SLC4A10: variants seen among roughly 807,000 people sequenced by gnomAD.
SLC4A10 encodes the protein sodium-driven chloride bicarbonate exchanger.
A neutral mutation model predicts 137.7 loss-of-function variants in SLC4A10; 42 were observed. The observed-to-expected ratio is 0.30, with a 90% confidence interval of 0.24 to 0.39. SLC4A10 has a LOEUF of 0.39. Among genes scored for constraint, SLC4A10 ranks in the 10% least tolerant of loss-of-function variants. SLC4A10 has a pLI of 1.00. For synonymous variants in SLC4A10, 474 were observed against 464.1 expected (o/e 1.02, Z -0.27); for missense variants, 925 against 1,355.0 (o/e 0.68, Z 4.98).
At chr2:161,707,988 A>G (rs1281527245) in intron 1 of SLC4A10, among the ~76,000 whole-genome samples, 1 of 151,302 alleles carries the variant, frequency 6.6e-6, no homozygotes, top group Non-Finnish European at 1.5e-5. Context: ...GATTCCTTCA[A>G]GAGAGTACAA....
At chr2:161,944,021 C>T (rs914722675) in intron 16 of SLC4A10, among the ~76,000 whole-genome samples, 7 of 151,878 alleles carry the variant, frequency 4.6e-5, no homozygotes, top group African/African-American at 1.7e-4. Flanking sequence ...TCTATTCTTA[C>T]CCTAGCTGTG....
rs760278871 is a variant in SLC4A10 at position 161,771,041 on chromosome 2, A to G, written c.117A>G (p.Lys39=). The G allele has an allele frequency of 9.4e-6, 15 of 1,598,552 alleles. No homozygotes were observed. Among genetic ancestry groups the G allele is most frequent in the Non-Finnish European group, 1.3e-5 (15 of 1,171,130 alleles). The part of the protein sequence containing the change: ...TRSILKTHFE[K]EDLEGHRTLF... Reference sequence around the variant, plus strand: ...CTATTCTCAAAACACACTTTGAGAAAGAAGATTTAGAAGGTAAGACCATTT... The same window carrying G: ...CTATTCTCAAAACACACTTTGAGAAGGAAGATTTAGAAGGTAAGACCATTT... Residue 39 remains lysine (K), a synonymous_variant, in exon 2 of 27, where the codon AAA becomes AAG. Coordinates refer to ENST00000446997, the MANE Select transcript of SLC4A10 (RefSeq NM_001178015.2).
Position 161,947,676 on chromosome 2 carries a change from T to A in SLC4A10, c.2214T>A (p.Thr738=), listed in dbSNP as rs181952371. The A allele has an allele frequency of 4.4e-4, 713 of 1,613,330 alleles. No individual in the cohort carries two copies. Among genetic ancestry groups the A allele is most frequent in the Non-Finnish European group, 5.2e-4 (619 of 1,179,388 alleles). The part of the protein sequence containing the change: ...WSVILFFSTV[T]LSATLKQFKT... ...TGATCCTGTTCTTTTCCACAGTTACTCTGTCAGCCACCCTGAAGCAGTTCA... is the reference window on the plus strand; with the variant it reads ...TGATCCTGTTCTTTTCCACAGTTACACTGTCAGCCACCCTGAAGCAGTTCA... The change falls in exon 17 of 27, where the codon ACT becomes ACA. Residue 738 remains threonine (T), a synonymous_variant. Coordinates refer to ENST00000446997, the MANE Select transcript of SLC4A10 (RefSeq NM_001178015.2).
At chr2:161,978,694 T>TTC (rs201545687) in intron 26 of SLC4A10, among the ~76,000 whole-genome samples, 40 of 151,356 alleles carry the variant, frequency 2.6e-4, no homozygotes, top group Middle Eastern at 3.4e-3. Context: ...TGGGAATTAG[T>TTC]TCTCTCTCTC....
At chr2:161,844,188 G>A (rs188795621) in intron 4 of SLC4A10, among the ~76,000 whole-genome samples, 14 of 152,208 alleles carry the variant, frequency 9.2e-5, no homozygotes, top group East Asian at 7.7e-4. Context: ...AGGGGGTAGC[G>A]TTAGGCTTCT....
At chr2:161,830,552 A>T (rs10197635) in intron 3 of SLC4A10, among the ~76,000 whole-genome samples, 3,058 of 151,656 alleles carry the variant, frequency 0.02, 104 homozygotes, top group African/African-American at 0.07. Flanking sequence ...TTCTGTTTTT[A>T]AAAAAAACCC....
intron 2 of SLC4A10, among the ~76,000 whole-genome samples, chr2:161,798,744 CTT>C (rs2055051691): frequency 6.6e-6 from 1 of 151,082 alleles, no homozygotes; most frequent in Admixed American, 6.6e-5. Flanking sequence ...TTTTCTGTGA[CTT>C]TTCCTTATCA....
At chr2:161,828,948 TTAGA>T (rs1243450876) in intron 3 of SLC4A10, among the ~76,000 whole-genome samples, 8 of 150,140 alleles carry the variant, frequency 5.3e-5, no homozygotes, top group African/African-American at 1.7e-4. Context: ...AATAATTCTA[TTAGA>T]ATTATTCTAT....
chr2:161,778,347 T>G (rs554592495), intron 2 of SLC4A10, among the ~76,000 whole-genome samples: 2 of 152,108 alleles, frequency 1.3e-5, no homozygotes, highest in African/African-American at 2.4e-5. Flanking sequence ...TTATGAAAGT[T>G]TATGCCTTTT....
At chr2:161,723,605 C>T (rs2045923061) in intron 1 of SLC4A10, among the ~76,000 whole-genome samples, 1 of 152,122 alleles carries the variant, frequency 6.6e-6, no homozygotes, top group Non-Finnish European at 1.5e-5. Flanking sequence ...GGTGTGCAGC[C>T]TACTGTTTGC....
chr2:161,923,036 T>C (rs1688423460), intron 15 of SLC4A10, among the ~76,000 whole-genome samples: 1 of 152,182 alleles, frequency 6.6e-6, no homozygotes, highest in South Asian at 2.1e-4. Context: ...TGAAGGGAGT[T>C]CTACCAAATT....
At chr2:161,957,297 A>G (rs10221808) in intron 20 of SLC4A10, 57 bp downstream of exon 20, 469,618 of 1,536,082 alleles carry the variant, frequency 0.31, 76,576 homozygotes, top group East Asian at 0.68. Context: ...CATCATTTAA[A>G]ATTTTCATTT....
At chr2:161,887,031 A>T (rs1218500793) in intron 10 of SLC4A10, among the ~76,000 whole-genome samples, 1 of 152,018 alleles carries the variant, frequency 6.6e-6, no homozygotes, top group Non-Finnish European at 1.5e-5. Context: ...TATAAGTGAG[A>T]ACATGCAGTG....
At chr2:161,806,935 T>G (rs1195277343) in intron 3 of SLC4A10, among the ~76,000 whole-genome samples, 1 of 152,198 alleles carries the variant, frequency 6.6e-6, no homozygotes, top group African/African-American at 2.4e-5. Context: ...GATAAAAACA[T>G]ACCTGAGACT....
At chr2:161,807,113 T>G (rs1049743508) in intron 3 of SLC4A10, among the ~76,000 whole-genome samples, 2 of 152,004 alleles carry the variant, frequency 1.3e-5, no homozygotes, top group African/African-American at 4.8e-5. Context: ...AACCATCAGA[T>G]CTCATGGACT....
chr2:161,920,175 G>T (rs951183919), intron 15 of SLC4A10, among the ~76,000 whole-genome samples: 1 of 152,188 alleles, frequency 6.6e-6, no homozygotes, highest in Non-Finnish European at 1.5e-5. Flanking sequence ...AGCACAACCT[G>T]CCAGGCCTAG....
At chr2:161,955,293 G>A (rs994355853) in intron 19 of SLC4A10, among the ~76,000 whole-genome samples, 6 of 152,096 alleles carry the variant, frequency 3.9e-5, no homozygotes, top group African/African-American at 1.4e-4. Flanking sequence ...TTTGCAAAAG[G>A]GCCAAGGGAT....
At chr2:161,722,786 C>G (rs2045825996) in intron 1 of SLC4A10, among the ~76,000 whole-genome samples, 1 of 152,218 alleles carries the variant, frequency 6.6e-6, no homozygotes, top group Non-Finnish European at 1.5e-5. Context: ...ACTAAGTCCA[C>G]TGAACCCACA....
chr2:161,802,151 GA>G lies in SLC4A10; in HGVS notation c.131-2297del, dbSNP rs777185009. Reference sequence around the variant, plus strand: ...CACTTGCCTGCATGAATCCATACAGGACAAAAACCTGAATATAGAAACTATC... The same window carrying G: ...CACTTGCCTGCATGAATCCATACAGGCAAAAACCTGAATATAGAAACTATC... On this transcript the variant is annotated intron_variant, in intron 2 of 26. Coordinates refer to ENST00000446997, the MANE Select transcript of SLC4A10 (RefSeq NM_001178015.2). Among the ~76,000 whole-genome samples, 12 of 152,084 alleles carry G rather than the reference GA, an allele frequency of 7.9e-5. No individual in the cohort carries two copies. The East Asian group carries it at 1.4e-3, about 17-fold the overall frequency.
Sources: gnomAD v4.1 joint callset for allele counts (sites outside exome capture counted in the v4.1 genomes callset) on GRCh38, gnomAD v4.1.1 for gene constraint, MANE v1.5 for transcripts, NCBI Gene and HGNC (gene_info 2026-07-23, HGNC 2026-07-21) for gene names.